Variants in ATG13 observed in about 807,000 individuals in gnomAD.
The protein encoded by ATG13 is autophagy-related protein 13.
Under a neutral mutation model 65.5 loss-of-function variants are expected in ATG13, and 23 were observed. The ratio of observed to expected loss-of-function variants is 0.35; its 90% confidence interval spans 0.25 to 0.50. The LOEUF is 0.50. Ranked by LOEUF, ATG13 falls within the 20% of genes least tolerant of loss-of-function variation. ATG13 has a pLI of 0.98. For synonymous variants in ATG13, 252 were observed against 245.2 expected (o/e 1.03, Z -0.26); for missense variants, 566 against 677.0 (o/e 0.84, Z 1.82).
intron 7 of ATG13, among the ~76,000 whole-genome samples, chr11:46,654,800 A>T (rs925225777): frequency 2.0e-5 from 3 of 151,620 alleles, no homozygotes; most frequent in Non-Finnish European, 4.4e-5. Flanking sequence ...AATTATTTTT[A>T]AAAAACCCGA....
At chr11:46,647,795 T>C (rs1322984266) in intron 5 of ATG13, among the ~76,000 whole-genome samples, 1 of 151,966 alleles carries the variant, frequency 6.6e-6, no homozygotes, top group Non-Finnish European at 1.5e-5. Flanking sequence ...CTGCCCAGGC[T>C]GGAGTGCAGT....
At chr11:46,667,150 C>G (rs1565617769) in intron 14 of ATG13, among the ~76,000 whole-genome samples, 1 of 152,210 alleles carries the variant, frequency 6.6e-6, no homozygotes, top group Non-Finnish European at 1.5e-5. Flanking sequence ...AGTACAGGTC[C>G]TCCCTGCTGG....
intron 14 of ATG13, among the ~76,000 whole-genome samples, chr11:46,665,779 CAAAAAAATT>C (rs2062174732): frequency 7.8e-6 from 1 of 128,510 alleles, no homozygotes; most frequent in East Asian, 2.4e-4. Flanking sequence ...CTCTGTCTCT[CAAAAAAATT>C]TATTTTTCCT....
chr11:46,622,107 A>G (rs1178794251), intron 1 of ATG13, among the ~76,000 whole-genome samples: 13 of 84,970 alleles, frequency 1.5e-4, no homozygotes, highest in Non-Finnish European at 4.9e-5. Flanking sequence ...ATATATATAT[A>G]TATATATATA....
intron 7 of ATG13, among the ~76,000 whole-genome samples, 169 bp downstream of exon 7, chr11:46,650,486 C>G (rs1458460963): frequency 6.6e-6 from 1 of 152,244 alleles, no homozygotes; most frequent in Admixed American, 6.5e-5. Flanking sequence ...ATGAACCTCA[C>G]CCTTCCAAAG....
chr11:46,617,587 C>T lies in ATG13; in HGVS notation c.-373C>T, dbSNP rs1158172485. 1.2e-5 allele frequency: 2 copies of T among 165,248 alleles called. No homozygotes were observed. Among genetic ancestry groups the T allele is most frequent in the East Asian group, 1.3e-4 (1 of 7,648 alleles). The allele number at this position is 165,248 out of a possible 1,614,324, so 10.2% of individuals were successfully genotyped here. A position where few individuals can be genotyped will look rare whatever the true frequency, so the allele number is the denominator to read the frequency against. On this transcript the variant is annotated 5_prime_UTR_variant, in exon 1 of 19. In the 5' UTR this introduces an upstream ATG that the reference lacks. Transcript: ENST00000683050. ...CGAAGCGGATGAAAACAAACACTAA[C>T]GATGGCGGCGCCGGGAAGCGACCGG... is the stretch of plus-strand genomic sequence containing the variant.
intron 2 of ATG13, among the ~76,000 whole-genome samples, chr11:46,643,138 G>T (rs1056748452): frequency 2.6e-5 from 4 of 152,120 alleles, no homozygotes; most frequent in Non-Finnish European, 5.9e-5. Context: ...TGATTGGTTA[G>T]TTTCCAGGCC....
intron 7 of ATG13, among the ~76,000 whole-genome samples, chr11:46,652,919 A>G (rs895577612): frequency 6.6e-6 from 1 of 152,022 alleles, no homozygotes; most frequent in Non-Finnish European, 1.5e-5. Context: ...TCAGCCGACC[A>G]TCTGCTTGTT....
chr11:46,619,848 T>C (rs2046831569), intron 1 of ATG13, among the ~76,000 whole-genome samples: 1 of 151,248 alleles, frequency 6.6e-6, no homozygotes, highest in Non-Finnish European at 1.5e-5. Context: ...GCCAACAAGG[T>C]GAAACCCCGT....
In ATG13 at chr11:46,672,845, G is replaced by T; in HGVS notation, c.*513G>T. 1 of 1,200,180 alleles carries T rather than the reference G, an allele frequency of 8.3e-7. No individual in the cohort carries two copies. The highest frequency in any genetic ancestry group is 1.1e-6 in the Non-Finnish European group (1 of 931,466). The allele number at this position is 1,200,180 out of a possible 1,614,324, so 74.3% of individuals were successfully genotyped here. ...CTCTTCATTGTCCCCTTTACTTCCT[G>T]CTATCTTCTTCTCCTCTTCTTCTCT... is the stretch of plus-strand genomic sequence containing the variant. On this transcript the variant is annotated 3_prime_UTR_variant, in exon 19 of 19. Transcript: ENST00000683050.
intron 5 of ATG13, 147 bp downstream of exon 5, chr11:46,646,136 T>A: frequency 8.4e-7 from 1 of 1,197,330 alleles, no homozygotes; most frequent in Non-Finnish European, 1.1e-6. Context: ...TTTTTGTTCT[T>A]TTTTGTTTGT....
chr11:46,670,188 A>C (rs903297492), intron 18 of ATG13, among the ~76,000 whole-genome samples: 6 of 152,208 alleles, frequency 3.9e-5, no homozygotes, highest in Non-Finnish European at 2.9e-5. Context: ...CCCAGTAATA[A>C]CAATACAGTA....
intron 11 of ATG13, among the ~76,000 whole-genome samples, chr11:46,662,834 G>C (rs1324527558): frequency 6.6e-6 from 1 of 152,188 alleles, no homozygotes; most frequent in South Asian, 2.1e-4. Context: ...ACATGTTAAT[G>C]TGATGTTGTT....
chr11:46,663,945 CTTTTTTTT>C (rs953835564), intron 11 of ATG13, 44 bp from the exon 12 acceptor site: 53 of 763,614 alleles, frequency 6.9e-5, no homozygotes, highest in African/African-American at 4.1e-4. Context: ...AGTCCCTTTT[CTTTTTTTT>C]TTTTTTTTTT....
rs2064003557 is a variant in ATG13 at position 46,672,593 on chromosome 11, C to T, written c.*261C>T. 7 of 1,422,364 alleles carry T rather than the reference C, an allele frequency of 4.9e-6. No individual in the cohort carries two copies. The highest frequency in any genetic ancestry group is 6.5e-6 in the Non-Finnish European group (7 of 1,076,202). 88.1% of individuals were successfully genotyped at this position (1,422,364 alleles called of 1,614,324 possible). A position where few individuals can be genotyped will look rare whatever the true frequency, so the allele number is the denominator to read the frequency against. On this transcript the variant is annotated 3_prime_UTR_variant, in exon 19 of 19. Transcript: ENST00000683050. ...AACCTTCGTACGAAAAAGCCCTCAG[C>T]AGGGCCATCTGTGTGCCCTGCCCAT...
intron 2 of ATG13, among the ~76,000 whole-genome samples, chr11:46,644,015 T>C (rs1180001509): frequency 6.6e-6 from 1 of 152,218 alleles, no homozygotes; most frequent in South Asian, 2.1e-4. Context: ...GAATGGATAA[T>C]TAAAGCTCAA....
intron 7 of ATG13, among the ~76,000 whole-genome samples, chr11:46,655,291 G>A (rs371729937): frequency 7.9e-5 from 12 of 152,050 alleles, no homozygotes; most frequent in African/African-American, 9.7e-5. Flanking sequence ...CCAGCTGCTC[G>A]GGAGGCTGAG....
intron 8 of ATG13, among the ~76,000 whole-genome samples, chr11:46,656,697 G>A (rs990213051): frequency 7.9e-5 from 12 of 152,182 alleles, no homozygotes; most frequent in African/African-American, 2.9e-4. Flanking sequence ...TTCTTAAACT[G>A]AAGTGTTTGT....
chr11:46,668,548 A>G lies in ATG13; in HGVS notation c.1301A>G (p.Asn434Ser), dbSNP rs768200092. Residue 434 changes from asparagine to serine, a missense_variant, in exon 16 of 19, where the codon AAT (asparagine) becomes AGT (serine). By Grantham distance (46) the Asn-to-Ser change is conservative. This residue lies in a region of ATG13 where 387 missense variants were observed against 409.8 expected (regional missense o/e 0.94). Transcript: ENST00000683050. ...CCCTTTGCCATGTTTGCTCCCAAGA[A>G]TTTGGAGCTGGAGGATACCGATCCA... Reference protein sequence around the residue: ...DIPFAMFAPKNLELEDTDPMV... With the variant: ...DIPFAMFAPKSLELEDTDPMV... The G allele has an allele frequency of 1.2e-6, 2 of 1,614,180 alleles. No homozygotes were observed. Among genetic ancestry groups the G allele is most frequent in the East Asian group, 4.5e-5 (2 of 44,886 alleles).
Sources: allele counts gnomAD v4.1 joint callset (sites outside exome capture counted in the v4.1 genomes callset), GRCh38; gene constraint gnomAD v4.1.1; regional missense constraint gnomAD v4.1.1; transcripts MANE v1.5; gene names NCBI Gene and HGNC (gene_info 2026-07-23, HGNC 2026-07-21).